Variants in HDAC9 observed in about 807,000 individuals in gnomAD.
HDAC9 encodes the protein MEF-2 interacting transcription repressor (MITR) protein.
In HDAC9, 41 loss-of-function variants were observed where a neutral mutation model predicts 139.4. The ratio of observed to expected loss-of-function variants is 0.29; its 90% confidence interval spans 0.23 to 0.38. HDAC9 has a LOEUF of 0.38. HDAC9 is among the 10% of genes least tolerant of loss of function. The pLI, the probability that HDAC9 is intolerant of heterozygous loss-of-function variation, is 1.00. For missense variants in HDAC9, 1,147 were observed against 1,297.0 expected (o/e 0.88, Z 1.78); for synonymous variants, 517 against 476.2 (o/e 1.09, Z -1.12).
At chr7:18,244,818 T>TAAC (rs1372189996) in intron 2 of HDAC9, among the ~76,000 whole-genome samples, 1 of 150,876 alleles carries the variant, frequency 6.6e-6, no homozygotes, top group East Asian at 1.9e-4. Context: ...TCAAAAATAA[T>TAAC]AATAATAATA....
At chr7:18,351,232 T>C (rs1031815587) in intron 1 of HDAC9, among the ~76,000 whole-genome samples, 4 of 152,202 alleles carry the variant, frequency 2.6e-5, no homozygotes, top group African/African-American at 9.6e-5. Flanking sequence ...TTGCCTGATT[T>C]ACTTATATAA....
rs1786362670 is a variant in HDAC9, at chr7:18,732,875, ACACG to A, written c.1909+5119_1909+5122del. 2.9e-5 allele frequency among the ~76,000 whole-genome samples: 3 copies of A among 102,536 alleles called. 1 individual carries two copies. The highest frequency in any genetic ancestry group is 1.3e-4 in the African/African-American group (3 of 23,148). 67.3% of individuals were successfully genotyped at this position (102,536 alleles called of 152,430 possible). A position where few individuals can be genotyped will look rare whatever the true frequency, so the allele number is the denominator to read the frequency against. On this transcript the variant is annotated intron_variant, in intron 13 of 25. Coordinates refer to ENST00000686413, the MANE Select transcript of HDAC9 (RefSeq NM_178425.4). ...TGTATGTGTGCGTATGTGTACACAC[ACACG>A]TGTGCGTATGTGTACACACACACGT...
intron 13 of HDAC9, among the ~76,000 whole-genome samples, chr7:18,739,786 A>G (rs1285828266): frequency 1.3e-5 from 2 of 152,182 alleles, no homozygotes; most frequent in African/African-American, 4.8e-5. Flanking sequence ...TGGGAGAACC[A>G]CTTCTCTCTT....
At chr7:18,790,272 G>A (rs1792183492) in intron 16 of HDAC9, among the ~76,000 whole-genome samples, 1 of 152,094 alleles carries the variant, frequency 6.6e-6, no homozygotes, top group South Asian at 2.1e-4. Flanking sequence ...ATGTACTGAA[G>A]CTCAAATCGC....
At chr7:18,164,658 G>A (rs1288426883) in intron 2 of HDAC9, among the ~76,000 whole-genome samples, 1 of 152,138 alleles carries the variant, frequency 6.6e-6, no homozygotes, top group African/African-American at 2.4e-5. Context: ...TCTTAGAAAC[G>A]TTCTCCATCC....
chr7:18,769,475 C>A (rs181912031), intron 16 of HDAC9, among the ~76,000 whole-genome samples: 1 of 152,060 alleles, frequency 6.6e-6, no homozygotes, highest in Non-Finnish European at 1.5e-5. Context: ...AGAAGGAGCC[C>A]TGCATTGTTA....
intron 12 of HDAC9, among the ~76,000 whole-genome samples, chr7:18,703,633 C>T (rs1278605754): frequency 2.0e-5 from 3 of 152,082 alleles, no homozygotes; most frequent in East Asian, 1.9e-4. Context: ...CTAATGCATG[C>T]ATGTTTATGA....
At chr7:18,523,533 A>G (rs1160852454) in intron 2 of HDAC9, among the ~76,000 whole-genome samples, 2 of 152,200 alleles carry the variant, frequency 1.3e-5, no homozygotes, top group African/African-American at 4.8e-5. Context: ...TGTGCCAGAC[A>G]TTATCTTCGT....
At chr7:18,185,042 A>G (rs113471035) in intron 2 of HDAC9, among the ~76,000 whole-genome samples, 8 of 152,364 alleles carry the variant, frequency 5.3e-5, no homozygotes, top group African/African-American at 1.4e-4. Context: ...TAGAATAGCA[A>G]TATCACAAAA....
intron 2 of HDAC9, among the ~76,000 whole-genome samples, chr7:18,248,484 G>A (rs1794705169): frequency 6.6e-6 from 1 of 152,132 alleles, no homozygotes; most frequent in African/African-American, 2.4e-5. Flanking sequence ...TGAACATGGT[G>A]GGCATGAAAC....
At position 18,999,417 on chromosome 7, in the gene HDAC9, A is replaced by C. The variant is rs924461909; in HGVS notation, c.*3355A>C. On this transcript the variant is annotated 3_prime_UTR_variant, in exon 26 of 26. Coordinates refer to ENST00000686413, the MANE Select transcript of HDAC9 (RefSeq NM_178425.4). ...GAAGTAAAATAGAATGATCATTTGG[A>C]AAGTCTCCTGGGAAAAAATTCCTCT... 6.6e-6 allele frequency: 1 copy of C among 152,196 alleles called. No homozygotes were observed. Among genetic ancestry groups the C allele is most frequent in the African/African-American group, 2.4e-5 (1 of 41,444 alleles). 9.4% of individuals were successfully genotyped at this position (152,196 alleles called of 1,614,324 possible).
intron 1 of HDAC9, among the ~76,000 whole-genome samples, chr7:18,310,976 A>G (rs1799278338): frequency 1.3e-5 from 2 of 152,090 alleles, no homozygotes; most frequent in Non-Finnish European, 2.9e-5. Flanking sequence ...ATGGTTATTT[A>G]TATAGATTTT....
At position 18,560,641 on chromosome 7, in the gene HDAC9, C is replaced by G. The variant is rs558976818; in HGVS notation, c.23-24640C>G. 5.9e-5 allele frequency among the ~76,000 whole-genome samples: 9 copies of G among 152,246 alleles called. No homozygotes were observed. The South Asian group carries it at 1.9e-3, about 32-fold the overall frequency. On this transcript the variant is annotated intron_variant, in intron 2 of 25. Coordinates refer to ENST00000686413, the MANE Select transcript of HDAC9 (RefSeq NM_178425.4). ...TAGTGCCTTGTTTTGTCACTCAGCA[C>G]AGTGATTGGCACCTAGTAAACAGTA... is the stretch of plus-strand genomic sequence containing the variant.
chr7:18,918,123 A>G (rs572397705), intron 22 of HDAC9, among the ~76,000 whole-genome samples: 1 of 152,168 alleles, frequency 6.6e-6, no homozygotes, highest in East Asian at 1.9e-4. Context: ...ATTTCTGGCC[A>G]TTTCTGATTG....
At chr7:18,242,941 C>T (rs1213467273) in intron 2 of HDAC9, among the ~76,000 whole-genome samples, 1 of 152,132 alleles carries the variant, frequency 6.6e-6, no homozygotes, top group Admixed American at 6.5e-5. Context: ...CATAAACTAG[C>T]ACAAAACAAT....
At chr7:18,269,595 G>A (rs1358124721) in intron 2 of HDAC9, among the ~76,000 whole-genome samples, 1 of 152,112 alleles carries the variant, frequency 6.6e-6, no homozygotes, top group East Asian at 1.9e-4. Context: ...GGTGGTGTGT[G>A]CCTATAGTCC....
intron 13 of HDAC9, among the ~76,000 whole-genome samples, chr7:18,732,569 A>G (rs10275151): frequency 0.013 from 1,591 of 120,940 alleles, 95 homozygotes; most frequent in African/African-American, 0.049. Flanking sequence ...ACGTGTATAT[A>G]TGTGCATGTG....
At chr7:18,499,554 C>T (rs1797828812) in intron 2 of HDAC9, among the ~76,000 whole-genome samples, 2 of 152,060 alleles carry the variant, frequency 1.3e-5, no homozygotes. Flanking sequence ...GAAAGTGAAG[C>T]ATGTACAAAT....
chr7:18,987,078 G>A (rs1785422400), intron 25 of HDAC9, among the ~76,000 whole-genome samples: 1 of 152,136 alleles, frequency 6.6e-6, no homozygotes, highest in South Asian at 2.1e-4. Flanking sequence ...CTGCCTAATT[G>A]CCCTGGCCAG....
Sources: gnomAD v4.1 joint callset for allele counts (sites outside exome capture counted in the v4.1 genomes callset) on GRCh38, gnomAD v4.1.1 for gene constraint, MANE v1.5 for transcripts, NCBI Gene and HGNC (gene_info 2026-07-23, HGNC 2026-07-21) for gene names.